The following CFAP251 variants were observed in gnomAD, a reference collection of about 807,000 sequenced individuals.
CFAP251 encodes the protein cilia and flagella associated protein 251.
A neutral mutation model predicts 126.7 loss-of-function variants in CFAP251; 93 were observed. The ratio of observed to expected loss-of-function variants is 0.73; its 90% CI spans 0.62 to 0.87. The LOEUF (loss-of-function observed/expected upper bound fraction) is 0.87, where lower values mean the gene tolerates loss of function less well. CFAP251 is among the 40% of genes least tolerant of loss of function. CFAP251 has a pLI of 0.00. For missense variants in CFAP251, 1,287 were observed against 1,389.2 expected (o/e 0.93, Z 1.17); for synonymous variants, 503 against 506.9 (o/e 0.99, Z 0.10).
intron 3 of CFAP251, among the ~76,000 whole-genome samples, chr12:121,924,949 C>T (rs1880352379): frequency 6.6e-6 from 1 of 151,664 alleles, no homozygotes; most frequent in Non-Finnish European, 1.5e-5. Context: ...TTCCCGCTTC[C>T]TCTCCCTCTT....
chr12:121,957,634 A>G (rs1441674316), intron 11 of CFAP251, among the ~76,000 whole-genome samples: 1 of 149,632 alleles, frequency 6.7e-6, no homozygotes, highest in African/African-American at 2.5e-5. Context: ...AACCCGGGAG[A>G]CGGAGCTTGC....
chr12:121,929,357 C>T (rs75394983), intron 3 of CFAP251, among the ~76,000 whole-genome samples: 2 of 151,086 alleles, frequency 1.3e-5, no homozygotes, highest in South Asian at 2.1e-4. Context: ...AAAAATTGAG[C>T]TGAATGTACT....
intron 19 of CFAP251, among the ~76,000 whole-genome samples, chr12:121,985,042 A>G (rs1273236819): frequency 6.6e-6 from 1 of 152,234 alleles, no homozygotes; most frequent in East Asian, 1.9e-4. Flanking sequence ...AGGAAGACAC[A>G]ATCCCTGACA....
At chr12:121,928,601 A>C (rs1880510166) in intron 3 of CFAP251, among the ~76,000 whole-genome samples, 1 of 142,530 alleles carries the variant, frequency 7.0e-6, no homozygotes. Context: ...TGATTACTTG[A>C]CCCTAGATAA....
At chr12:121,928,512 C>G (rs943396253) in intron 3 of CFAP251, among the ~76,000 whole-genome samples, 3 of 151,144 alleles carry the variant, frequency 2.0e-5, no homozygotes, top group African/African-American at 7.3e-5. Context: ...GGAAACTTAC[C>G]AGATTTTGTT....
intron 19 of CFAP251, among the ~76,000 whole-genome samples, chr12:121,977,537 G>A (rs571922438): frequency 6.6e-6 from 1 of 152,286 alleles, no homozygotes; most frequent in African/African-American, 2.4e-5. Context: ...GCGCACGCCT[G>A]TAGTCCCAGC....
chr12:121,987,273 CA>C (rs1270181742), intron 19 of CFAP251, among the ~76,000 whole-genome samples: 3 of 151,066 alleles, frequency 2.0e-5, no homozygotes, highest in Non-Finnish European at 4.4e-5. Flanking sequence ...CCTTCCTGGC[CA>C]ACAGAGAGTC....
intron 10 of CFAP251, among the ~76,000 whole-genome samples, chr12:121,955,036 C>T (rs961370723): frequency 6.6e-6 from 1 of 152,182 alleles, no homozygotes; most frequent in East Asian, 1.9e-4. Flanking sequence ...GGAGCGGTGG[C>T]TCACGCCTGT....
rs1883199733 is a variant in CFAP251 at position 122,003,865 on chromosome 12, C to G, written c.*101C>G. ...CTGCTTTTTATGCATTTCCCTCCCC[C>G]CTCTCATCTTTAGAACATTTAGACA... On this transcript the variant is annotated 3_prime_UTR_variant, in exon 22 of 22. Transcript: ENST00000288912. 3 of 814,148 alleles carry G rather than the reference C, an allele frequency of 3.7e-6. No homozygotes were observed. The highest frequency in any genetic ancestry group is 6.3e-5 in the East Asian group (2 of 31,590). The allele number at this position is 814,148 out of a possible 1,614,324, so 50.4% of individuals were successfully genotyped here. A position where few individuals can be genotyped will look rare whatever the true frequency, so the allele number is the denominator to read the frequency against.
chr12:121,934,628 T>G (rs1880817968), intron 5 of CFAP251, among the ~76,000 whole-genome samples: 1 of 152,230 alleles, frequency 6.6e-6, no homozygotes, highest in Non-Finnish European at 1.5e-5. Flanking sequence ...GGGCAGTTCT[T>G]AATGGTTGCT....
At chr12:121,927,588 T>G (rs1880470076) in intron 3 of CFAP251, among the ~76,000 whole-genome samples, 2 of 152,204 alleles carry the variant, frequency 1.3e-5, no homozygotes, top group Admixed American at 1.3e-4. Context: ...TGAGCCACCG[T>G]GCCCAGCCCA....
chr12:122,003,671 A>G lies in CFAP251; in HGVS notation c.3357A>G (p.Glu1119=). 1.2e-6 allele frequency: 2 copies of G among 1,610,194 alleles called. No homozygotes were observed. Among genetic ancestry groups the G allele is most frequent in the Non-Finnish European group, 1.7e-6 (2 of 1,179,022 alleles). ...CSVKGSEICL[E]EELPDEITAE... ...GGCTAGGTTCAGAAATTTGCCTTGAAGAAGAACTTCCAGACGAAATCACTG... is the reference window on the plus strand; with the variant it reads ...GGCTAGGTTCAGAAATTTGCCTTGAGGAAGAACTTCCAGACGAAATCACTG... Residue 1119 remains glutamate (E), a synonymous_variant, in exon 22 of 22, where the codon GAA becomes GAG. Coordinates refer to ENST00000288912, the MANE Select transcript of CFAP251 (RefSeq NM_144668.6).
intron 3 of CFAP251, among the ~76,000 whole-genome samples, chr12:121,930,255 G>A (rs1409780850): frequency 6.6e-6 from 1 of 152,108 alleles, no homozygotes; most frequent in African/African-American, 2.4e-5. Context: ...TTGGGAGGCC[G>A]AGGCAGGCGG....
Position 121,958,303 on chromosome 12 carries a change from G to A in CFAP251, c.1762G>A (p.Val588Met). The change falls in exon 12 of 22, where the codon GTG becomes ATG. Residue 588 changes from valine to methionine, a missense_variant. Coordinates refer to ENST00000288912, the MANE Select transcript of CFAP251 (RefSeq NM_144668.6). ...TATCATTGGAACATCTGATGCCGCGGTGTACCACTTAACAACAGATGGGAC... is the reference window on the plus strand; with the variant it reads ...TATCATTGGAACATCTGATGCCGCGATGTACCACTTAACAACAGATGGGAC... ...NFIIGTSDAA[V>M]YHLTTDGTKL... The A allele has an allele frequency of 6.2e-7, 1 of 1,614,176 alleles. No individual in the cohort carries two copies. The highest frequency in any genetic ancestry group is 8.5e-7 in the Non-Finnish European group (1 of 1,180,034).
At chr12:121,979,311 G>T (rs1225506775) in intron 19 of CFAP251, among the ~76,000 whole-genome samples, 2 of 152,180 alleles carry the variant, frequency 1.3e-5, no homozygotes, top group Non-Finnish European at 2.9e-5. Context: ...TACAGCCCAC[G>T]TGGTGTTCCA....
chr12:121,954,462 C>A, intron 10 of CFAP251, 128 bp downstream of exon 10: 1 of 808,648 alleles, frequency 1.2e-6, no homozygotes, highest in Non-Finnish European at 1.9e-6. Flanking sequence ...GTGGGAGGAT[C>A]ACATGAGGCC....
chr12:121,943,289 G>T (rs573890458), intron 7 of CFAP251, among the ~76,000 whole-genome samples: 1 of 152,082 alleles, frequency 6.6e-6, no homozygotes, highest in Non-Finnish European at 1.5e-5. Context: ...CTCCAGCCTC[G>T]GTGACAAAGT....
At position 121,974,323 on chromosome 12, in the gene CFAP251, A is replaced by C. The variant is rs59975906; in HGVS notation, c.2772-921A>C. On this transcript the variant is annotated intron_variant, in intron 17 of 21. Transcript: ENST00000288912. This position sits in a 1 kb window ranked among gnomAD's most constrained non-coding sequence, Gnocchi z 4.6. ...TTTTGTAAATTGCCCAGTCTCGGGT[A>C]TGTTTTTATCAGCAGCATGAAAACA... is the stretch of plus-strand genomic sequence containing the variant. Among the ~76,000 whole-genome samples the C allele has an allele frequency of 0.011, 1,659 of 152,276 alleles. 22 individuals are homozygous for C. Among genetic ancestry groups the C allele is most frequent in the African/African-American group, 0.037 (1,549 of 41,546 alleles).
intron 9 of CFAP251, chr12:121,953,445 T>G (rs1318188751): frequency 6.6e-6 from 1 of 152,298 alleles, no homozygotes; most frequent in African/African-American, 2.4e-5. Flanking sequence ...GTATTGATTT[T>G]GGGATTACAA....
Sources: allele counts gnomAD v4.1 joint callset (sites outside exome capture counted in the v4.1 genomes callset), GRCh38; gene constraint gnomAD v4.1.1; non-coding constraint Gnocchi (gnomAD v3.1); transcripts MANE v1.5; gene names NCBI Gene and HGNC (gene_info 2026-07-23, HGNC 2026-07-21).